SLC35F3: variants seen among roughly 807,000 people sequenced by gnomAD.
SLC35F3 encodes putative thiamine transporter SLC35F3.
A neutral mutation model predicts 49.9 loss-of-function variants in SLC35F3; 25 were observed. The ratio of observed to expected loss-of-function variants is 0.50; its 90% confidence interval spans 0.37 to 0.70. The LOEUF (loss-of-function observed/expected upper bound fraction) is 0.70. Among genes scored for constraint, SLC35F3 ranks in the 30% least tolerant of loss-of-function variants. The pLI, the probability that SLC35F3 is intolerant of heterozygous loss-of-function variation, is 0.00. For synonymous variants in SLC35F3, 275 were observed against 265.4 expected (o/e 1.04, Z -0.35); for missense variants, 525 against 639.8 (o/e 0.82, Z 1.94).
chr1:233,920,785 T>C (rs988284362), intron 2 of SLC35F3, among the ~76,000 whole-genome samples: 6 of 152,242 alleles, frequency 3.9e-5, no homozygotes, highest in Non-Finnish European at 5.9e-5. Flanking sequence ...TTGGGAGGCT[T>C]ATGTGGCAAA....
intron 2 of SLC35F3, among the ~76,000 whole-genome samples, chr1:233,985,092 G>C (rs990560282): frequency 6.6e-6 from 1 of 152,180 alleles, no homozygotes; most frequent in African/African-American, 2.4e-5. Context: ...TAATGATGCT[G>C]ATGTTCTGGT....
intron 2 of SLC35F3, among the ~76,000 whole-genome samples, chr1:234,034,127 G>A (rs967279031): frequency 6.6e-6 from 1 of 152,102 alleles, no homozygotes; most frequent in African/African-American, 2.4e-5. Flanking sequence ...GTAATAAAAG[G>A]GGTTGAGTTC....
At chr1:233,927,664 A>G (rs1662181855) in intron 2 of SLC35F3, among the ~76,000 whole-genome samples, 1 of 152,126 alleles carries the variant, frequency 6.6e-6, no homozygotes, top group South Asian at 2.1e-4. Flanking sequence ...TAAAATACAT[A>G]TGGACACAGA....
At chr1:233,984,437 G>A (rs908717743) in intron 2 of SLC35F3, among the ~76,000 whole-genome samples, 1 of 152,226 alleles carries the variant, frequency 6.6e-6, no homozygotes, top group Non-Finnish European at 1.5e-5. Context: ...TGGCTTGCAA[G>A]TAAGAGTTTT....
At chr1:233,982,055 T>G (rs760823438) in intron 2 of SLC35F3, among the ~76,000 whole-genome samples, 20 of 152,216 alleles carry the variant, frequency 1.3e-4, no homozygotes, top group Non-Finnish European at 2.6e-4. Context: ...CCTGAGTGGT[T>G]GGAACCACAG....
chr1:234,234,304 A>G (rs1043155336), intron 3 of SLC35F3, among the ~76,000 whole-genome samples: 1 of 152,100 alleles, frequency 6.6e-6, no homozygotes, highest in Non-Finnish European at 1.5e-5. Flanking sequence ...AGTTATCAGG[A>G]GGCAATCAGA....
chr1:234,198,160 T>C (rs964867107), intron 2 of SLC35F3, among the ~76,000 whole-genome samples: 3 of 152,234 alleles, frequency 2.0e-5, no homozygotes, highest in Non-Finnish European at 4.4e-5. Flanking sequence ...GTGTTCTTGA[T>C]TAGCACCTTT....
At chr1:234,316,758 G>C (rs371994409) in intron 5 of SLC35F3, 31 bp downstream of exon 5, 1 of 1,583,412 alleles carries the variant, frequency 6.3e-7, no homozygotes, top group Non-Finnish European at 8.7e-7. Flanking sequence ...TTCTCAGCTG[G>C]CTGGGCTCTC....
intron 2 of SLC35F3, among the ~76,000 whole-genome samples, chr1:234,059,532 T>G (rs1418529378): frequency 6.6e-6 from 1 of 152,190 alleles, no homozygotes; most frequent in Non-Finnish European, 1.5e-5. Flanking sequence ...CCTGTATTAG[T>G]CAGGGTTCTC....
At chr1:234,163,736 T>G (rs755499844) in intron 2 of SLC35F3, among the ~76,000 whole-genome samples, 3 of 152,226 alleles carry the variant, frequency 2.0e-5, no homozygotes, top group Non-Finnish European at 2.9e-5. Context: ...TTTAAACTCA[T>G]AGACTAAGTT....
chr1:234,013,125 A>G (rs1464474226), intron 2 of SLC35F3, among the ~76,000 whole-genome samples: 1 of 152,262 alleles, frequency 6.6e-6, no homozygotes, highest in Non-Finnish European at 1.5e-5. Flanking sequence ...TTCAAATTGT[A>G]TCAGATATCT....
At chr1:233,906,664 A>C (rs1171106726) in intron 2 of SLC35F3, among the ~76,000 whole-genome samples, 1 of 152,042 alleles carries the variant, frequency 6.6e-6, no homozygotes, top group African/African-American at 2.4e-5. Flanking sequence ...GTTGATTTTG[A>C]GTTTTTTTCG....
At chr1:234,102,118 TA>T (rs1665223351) in intron 2 of SLC35F3, among the ~76,000 whole-genome samples, 1 of 152,226 alleles carries the variant, frequency 6.6e-6, no homozygotes, top group South Asian at 2.1e-4. Context: ...CATGGTCACG[TA>T]GAAGGAATTT....
intron 2 of SLC35F3, among the ~76,000 whole-genome samples, chr1:233,944,152 C>T (rs1314474110): frequency 6.6e-6 from 1 of 152,068 alleles, no homozygotes; most frequent in Non-Finnish European, 1.5e-5. Flanking sequence ...AGAAAACCAA[C>T]CTGAAAGCTA....
At chr1:234,096,885 CTTT>C (rs34404610) in intron 2 of SLC35F3, among the ~76,000 whole-genome samples, 134 of 132,088 alleles carry the variant, frequency 1.0e-3, no homozygotes, top group African/African-American at 3.6e-3. Context: ...TTGTTAAATT[CTTT>C]TTTTTTTTTT....
rs541008845 is a variant in SLC35F3, at chr1:233,907,840, C to T, written c.283+2082C>T. ...TCCTGAGTTCAAGTGATTCTCCTGCCTCAGCCTCCTGCGTAGCTGGGATTA... is the reference window on the plus strand; with the variant it reads ...TCCTGAGTTCAAGTGATTCTCCTGCTTCAGCCTCCTGCGTAGCTGGGATTA... On this transcript the variant is annotated intron_variant, in intron 2 of 7. Coordinates refer to ENST00000366618, the MANE Select transcript of SLC35F3 (RefSeq NM_173508.4). Among the ~76,000 whole-genome samples the T allele has an allele frequency of 7.2e-5, 11 of 152,306 alleles. No homozygotes were observed. In the East Asian group the frequency reaches 2.1e-3, roughly 29 times the overall value.
rs534676143 is a variant in SLC35F3 at position 233,908,823 on chromosome 1, C to T, written c.283+3065C>T. Among the ~76,000 whole-genome samples the T allele has an allele frequency of 8.6e-5, 13 of 150,608 alleles. No homozygotes were observed. The South Asian group carries it at 2.3e-3, about 27-fold the overall frequency. ...TGCTGGAATTACAGTCGTGAGCCAC[C>T]GTGCCTGGCTTAAAATTTGCCCAGC... On this transcript the variant is annotated intron_variant, in intron 2 of 7. Transcript: ENST00000366618.
chr1:234,257,376 T>A (rs185253011), intron 3 of SLC35F3, among the ~76,000 whole-genome samples: 1 of 152,358 alleles, frequency 6.6e-6, no homozygotes, highest in East Asian at 1.9e-4. Flanking sequence ...TGTTTCTAGT[T>A]GGTCAGTGGT....
At chr1:234,199,356 T>C (rs1392018142) in intron 2 of SLC35F3, among the ~76,000 whole-genome samples, 2 of 152,236 alleles carry the variant, frequency 1.3e-5, no homozygotes, top group African/African-American at 4.8e-5. Flanking sequence ...CAATTTATTT[T>C]CAATAACAGT....
Sources: gnomAD v4.1 joint callset for allele counts (sites outside exome capture counted in the v4.1 genomes callset) on GRCh38, gnomAD v4.1.1 for gene constraint, MANE v1.5 for transcripts, NCBI Gene and HGNC (gene_info 2026-07-23, HGNC 2026-07-21) for gene names.